The following TMEFF2 variants were observed in gnomAD, a reference collection of about 807,000 sequenced individuals.
TMEFF2 encodes transmembrane protein with EGF like and two follistatin like domains 2.
In TMEFF2, 28 loss-of-function variants were observed where a neutral mutation model predicts 53.8. The ratio of observed to expected loss-of-function variants is 0.52; its 90% CI spans 0.39 to 0.71. The LOEUF is 0.71. TMEFF2 is among the 30% of genes least tolerant of loss of function. TMEFF2 has a pLI of 0.00. For synonymous variants in TMEFF2, 162 were observed against 166.3 expected, an observed-to-expected ratio of 0.97 and a Z score of 0.20; for missense variants, 353 against 455.2, an observed-to-expected ratio of 0.78 and a Z score of 2.04.
chr2:192,097,120 A>G (rs1179237118), intron 4 of TMEFF2, among the ~76,000 whole-genome samples: 1 of 152,256 alleles, frequency 6.6e-6, no homozygotes, highest in African/African-American at 2.4e-5. Context: ...TAAGAAAATC[A>G]TGTTGGCTTC....
rs1394661139 is a variant in TMEFF2, at chr2:192,037,269, AAAATAAAGAAAGAAAGAAAGAAAGAAAG to A, written c.536+20382_536+20409del. ...GCAGAATGCACTTCTAAGACTAGCC[AAAATAAAGAAAGAAAGAAAGAAAGAAAG>A]AAAGAAAGAAAGAAAGAAAGAAAGA... On this transcript the variant is annotated intron_variant, in intron 5 of 9. Coordinates refer to ENST00000272771, the MANE Select transcript of TMEFF2 (RefSeq NM_016192.4). 6.5e-4 allele frequency: 47 copies of A among 72,592 alleles called. No individual in the cohort carries two copies. In the Middle Eastern group the frequency reaches 0.022, roughly 34 times the overall value. The allele number at this position is 72,592 out of a possible 1,614,324, so 4.5% of individuals were successfully genotyped here.
intron 4 of TMEFF2, among the ~76,000 whole-genome samples, chr2:192,062,088 G>GGAC (rs397745799): frequency 1.3e-5 from 2 of 151,400 alleles, no homozygotes; most frequent in Non-Finnish European, 2.9e-5. Context: ...TTAGTGTTGA[G>GGAC]TGCATATCAA....
At chr2:192,012,191 CTGCG>C (rs1333314388) in intron 5 of TMEFF2, among the ~76,000 whole-genome samples, 1 of 152,230 alleles carries the variant, frequency 6.6e-6, no homozygotes, top group African/African-American at 2.4e-5. Flanking sequence ...GCGTGAGCCA[CTGCG>C]CCTGGCCTAC....
chr2:192,021,274 C>A (rs1254644760), intron 5 of TMEFF2, among the ~76,000 whole-genome samples: 2 of 151,872 alleles, frequency 1.3e-5, no homozygotes, highest in African/African-American at 4.8e-5. Flanking sequence ...AGCAGAACAT[C>A]AAAGAAAGAA....
chr2:191,964,412 C>CTTTCTTTCTTTCTTTCTTTCTTTCTTTCT (rs1692407847), intron 7 of TMEFF2, among the ~76,000 whole-genome samples: 1 of 99,300 alleles, frequency 1.0e-5, no homozygotes, highest in Non-Finnish European at 2.0e-5. Flanking sequence ...TTCTTTCTTT[C>CTTTCTTTCTTTCTTTCTTTCTTTCTTTCT]TTTCTTTCTT....
intron 5 of TMEFF2, among the ~76,000 whole-genome samples, chr2:192,003,052 C>A (rs1263084120): frequency 1.3e-5 from 2 of 152,150 alleles, no homozygotes; most frequent in Non-Finnish European, 2.9e-5. Context: ...CTAAGTCCAT[C>A]TTGATCTCTA....
chr2:191,952,951 TTCTGGTTACACAGAACATAAATG>T (rs1691932702), intron 9 of TMEFF2, among the ~76,000 whole-genome samples: 1 of 152,222 alleles, frequency 6.6e-6, no homozygotes, highest in Non-Finnish European at 1.5e-5. Context: ...TCAATGACTT[TTCTGGTTACACAGAACATAAATG>T]ATACGCATTT....
chr2:192,135,569 GC>G (rs1689980436), intron 4 of TMEFF2, among the ~76,000 whole-genome samples: 1 of 151,952 alleles, frequency 6.6e-6, no homozygotes, highest in South Asian at 2.1e-4. Flanking sequence ...GCTTGAAGCA[GC>G]CCTGAGAAAC....
intron 2 of TMEFF2, 116 bp downstream of exon 2, chr2:192,191,764 C>G: frequency 1.5e-6 from 1 of 676,302 alleles, no homozygotes; most frequent in East Asian, 2.8e-5. Flanking sequence ...TTGCTTGGTG[C>G]CAGCTTCCCT....
chr2:192,029,116 T>TCC (rs11436638), intron 5 of TMEFF2: 1 of 151,940 alleles, frequency 6.6e-6, no homozygotes, highest in Non-Finnish European at 1.5e-5. Context: ...CCACCTCTTC[T>TCC]CCCCCTCCCC....
intron 4 of TMEFF2, among the ~76,000 whole-genome samples, chr2:192,126,298 G>A (rs761332454): frequency 2.2e-4 from 34 of 152,174 alleles, no homozygotes; most frequent in Non-Finnish European, 4.1e-4. Context: ...ATGGGGAAAA[G>A]TACAGTCTGA....
intron 5 of TMEFF2, among the ~76,000 whole-genome samples, chr2:192,008,551 C>T (rs1465689955): frequency 2.0e-5 from 3 of 152,138 alleles, no homozygotes; most frequent in African/African-American, 7.2e-5. Flanking sequence ...TATTCAATAA[C>T]CAAGGGTAAC....
chr2:192,117,920 G>A (rs2356944), intron 4 of TMEFF2, among the ~76,000 whole-genome samples: 86,562 of 145,340 alleles, frequency 0.6, 26,378 homozygotes, highest in East Asian at 0.73. Context: ...GCTCAAGCCC[G>A]CTCCCACTCT....
At chr2:191,961,410 T>TATG (rs1264966618) in intron 7 of TMEFF2, among the ~76,000 whole-genome samples, 2 of 152,198 alleles carry the variant, frequency 1.3e-5, no homozygotes, top group African/African-American at 2.4e-5. Flanking sequence ...TGAATGTGTT[T>TATG]ATGTAATCTT....
intron 7 of TMEFF2, among the ~76,000 whole-genome samples, chr2:191,969,334 C>T (rs1692565353): frequency 6.6e-6 from 1 of 151,986 alleles, no homozygotes; most frequent in African/African-American, 2.4e-5. Context: ...GCATCAGAGC[C>T]AGCTCATCAC....
In TMEFF2 at chr2:192,158,700, G is replaced by A. The variant is rs188372692; in HGVS notation, c.439+20968C>T. 9.2e-5 allele frequency among the ~76,000 whole-genome samples: 14 copies of A among 152,064 alleles called. No homozygotes were observed. The East Asian group carries it at 2.7e-3, about 29-fold the overall frequency. ...TGAGACTTACAAGTAAGGATTCAAGGTATTAATCCTCTCCTAAAGCTAGAA... is the reference window on the plus strand; with the variant it reads ...TGAGACTTACAAGTAAGGATTCAAGATATTAATCCTCTCCTAAAGCTAGAA... On this transcript the variant is annotated intron_variant, in intron 4 of 9. Coordinates refer to ENST00000272771, the MANE Select transcript of TMEFF2 (RefSeq NM_016192.4).
intron 7 of TMEFF2, among the ~76,000 whole-genome samples, chr2:191,997,909 A>T (rs1241061604): frequency 1.3e-5 from 2 of 151,902 alleles, no homozygotes; most frequent in East Asian, 3.8e-4. Context: ...ATGAAAATTT[A>T]AACAAGAACA....
intron 9 of TMEFF2, among the ~76,000 whole-genome samples, chr2:191,951,715 T>G (rs1691888888): frequency 6.6e-6 from 1 of 152,106 alleles, no homozygotes; most frequent in Non-Finnish European, 1.5e-5. Flanking sequence ...GAATCCACAC[T>G]GGGAATTGGT....
chr2:192,082,859 G>C (rs1688584488), intron 4 of TMEFF2, among the ~76,000 whole-genome samples: 1 of 151,882 alleles, frequency 6.6e-6, no homozygotes, highest in Non-Finnish European at 1.5e-5. Flanking sequence ...AAAAACGGAA[G>C]AGAGTAAAAG....
Sources: gnomAD v4.1 joint callset for allele counts (sites outside exome capture counted in the v4.1 genomes callset) on GRCh38, gnomAD v4.1.1 for gene constraint, MANE v1.5 for transcripts, NCBI Gene and HGNC (gene_info 2026-07-23, HGNC 2026-07-21) for gene names.